Variants in HDGF observed in about 807,000 individuals in gnomAD.
HDGF encodes the protein hepatoma-derived growth factor.
HDGF carries 5 observed loss-of-function variants against 30.0 expected under a neutral mutation model. That is an observed-to-expected ratio of 0.17 (90% CI 0.09 to 0.35). The LOEUF is 0.35. Among genes scored for constraint, HDGF ranks in the 10% least tolerant of loss-of-function variants. HDGF has a pLI of 1.00. For synonymous variants in HDGF, 133 were observed against 112.7 expected, an observed-to-expected ratio of 1.18 and a Z score of -1.14; for missense variants, 214 against 302.8, an observed-to-expected ratio of 0.71 and a Z score of 2.18.
upstream of HDGF, chr1:156,752,394 C>T (rs562310759): frequency 5.4e-4 from 837 of 1,546,884 alleles, 2 homozygotes; most frequent in Non-Finnish European, 6.8e-4. Context: ...TACTGTCTTG[C>T]CAAGGAGACT....
chr1:156,766,001 A>G (rs1651365242), intron 1 of HDGF, among the ~76,000 whole-genome samples: 1 of 152,208 alleles, frequency 6.6e-6, no homozygotes, highest in African/African-American at 2.4e-5. Flanking sequence ...CCAGGCTTCC[A>G]GGCCCAACCC....
chr1:156,764,661 C>T lies in HDGF; in HGVS notation n.136+2129G>A, dbSNP rs183248717. Among the ~76,000 whole-genome samples, 10 of 152,134 alleles carry T rather than the reference C, an allele frequency of 6.6e-5. No homozygotes were observed. In the East Asian group the frequency reaches 1.5e-3, roughly 24 times the overall value. ...TCATTAATTTTCACAGTAAGGGGAT[C>T]CTCGCTTAGAAAACATTTGTTAAAC... On this transcript the variant is annotated intron_variant and non_coding_transcript_variant, in intron 1 of 7. Transcript: ENST00000465180.
Position 156,743,136 on chromosome 1 carries a change from G to A in HDGF, c.*313C>T. The A allele has an allele frequency of 3.2e-6, 1 of 317,280 alleles. No individual in the cohort carries two copies. Among genetic ancestry groups the A allele is most frequent in the Non-Finnish European group, 5.8e-6 (1 of 172,554 alleles). 19.7% of individuals were successfully genotyped at this position (317,280 alleles called of 1,614,324 possible). A position where few individuals can be genotyped will look rare whatever the true frequency, so the allele number is the denominator to read the frequency against. On this transcript the variant is annotated 3_prime_UTR_variant, in exon 6 of 6. Transcript: ENST00000357325. The stretch of plus-strand genomic sequence containing the variant: ...AGGGTGTCAGGAGGTGGGAGCAGTT[G>A]TCCCAGGCCCCAGCAGAAGCCTGGA...
At chr1:156,744,126 T>A (rs761520165) in intron 4 of HDGF, 37 bp downstream of exon 4, 2 of 1,602,636 alleles carry the variant, frequency 1.2e-6, no homozygotes, top group Non-Finnish European at 1.7e-6. Context: ...ATGGGGAATG[T>A]TGAGGGGGGC....
At chr1:156,747,236 CCCCCCTCCCCCCCG>C (rs1650624780) in intron 1 of HDGF, among the ~76,000 whole-genome samples, 2 of 28,144 alleles carry the variant, frequency 7.1e-5, no homozygotes, top group Admixed American at 1.7e-4. Context: ...GACCGCCCCT[CCCCCCTCCCCCCCG>C]CCCCCCCCCC....
upstream of HDGF, among the ~76,000 whole-genome samples, chr1:156,756,021 T>G (rs1651148863): frequency 6.6e-6 from 1 of 152,166 alleles, no homozygotes; most frequent in African/African-American, 2.4e-5. Context: ...GAGGCCAAGG[T>G]GGGCAGATCA....
intron 2 of HDGF, among the ~76,000 whole-genome samples, chr1:156,757,987 T>G (rs12037618): frequency 6.6e-6 from 1 of 151,978 alleles, no homozygotes; most frequent in African/African-American, 2.4e-5. Flanking sequence ...GAGCTGCACA[T>G]TGGAGTCACT....
intron 1 of HDGF, among the ~76,000 whole-genome samples, chr1:156,760,160 G>C (rs1377771261): frequency 6.6e-6 from 1 of 152,248 alleles, no homozygotes; most frequent in African/African-American, 2.4e-5. Context: ...CCCCAGGTGT[G>C]TCTGCATTCC....
At chr1:156,758,757 G>A (rs1353394766) in intron 2 of HDGF, among the ~76,000 whole-genome samples, 2 of 152,102 alleles carry the variant, frequency 1.3e-5, no homozygotes, top group South Asian at 2.1e-4. Context: ...CAGCCTGGGC[G>A]ACAGAGCAAG....
Position 156,743,729 on chromosome 1 carries a change from C to T in HDGF, c.639G>A (p.Glu213=). The T allele has an allele frequency of 6.2e-6, 10 of 1,602,918 alleles. No homozygotes were observed. Among genetic ancestry groups the T allele is most frequent in the Non-Finnish European group, 8.5e-6 (10 of 1,174,808 alleles). The part of the protein sequence containing the change: ...EPGSGRGPPQ[E]EEEEEDEEEE... ...CCTCTTCATCCTCCTCCTCTTCTTCCTCTTGGGGAGGCCCCCGGCCAGAGC... is the reference window on the plus strand; with the variant it reads ...CCTCTTCATCCTCCTCCTCTTCTTCTTCTTGGGGAGGCCCCCGGCCAGAGC... Residue 213 remains glutamate (E), a synonymous_variant, in exon 5 of 6, where the codon GAG becomes GAA. Coordinates refer to ENST00000357325, the MANE Select transcript of HDGF (RefSeq NM_004494.3).
chr1:156,754,844 A>G (rs1651129345), upstream of HDGF, among the ~76,000 whole-genome samples: 2 of 152,222 alleles, frequency 1.3e-5, no homozygotes, highest in South Asian at 4.1e-4. Flanking sequence ...GCTACTTGGG[A>G]GGCTGAGGCA....
intron 1 of HDGF, among the ~76,000 whole-genome samples, chr1:156,764,000 C>A (rs544618947): frequency 2.6e-5 from 4 of 151,894 alleles, no homozygotes; most frequent in Non-Finnish European, 5.9e-5. Context: ...CAGGCTCAAG[C>A]GATCCTCCTC....
intron 1 of HDGF, among the ~76,000 whole-genome samples, chr1:156,765,420 TCTTTCTCTTTCTTTCTTTC>T (rs1175111196): frequency 4.3e-5 from 6 of 140,794 alleles, no homozygotes; most frequent in Non-Finnish European, 9.4e-5. Flanking sequence ...TTTCTTTCTT[TCTTTCTCTTTCTTTCTTTC>T]CTTTCTTTCC....
At position 156,751,662 on chromosome 1, in the gene HDGF, G is replaced by A; in HGVS notation, c.-233C>T. ...GGCGCGGTGGGTGCGCGCTCGTGCA[G>A]TTGTTTGTGTTTGAAATTCAATTGC... On this transcript the variant is annotated 5_prime_UTR_variant, in exon 1 of 6. Coordinates refer to ENST00000357325, the MANE Select transcript of HDGF (RefSeq NM_004494.3). This position sits in a 1 kb window ranked among gnomAD's most constrained non-coding sequence, Gnocchi z 4.7. 18 of 1,054,624 alleles carry A rather than the reference G, an allele frequency of 1.7e-5. No homozygotes were observed. The highest frequency in any genetic ancestry group is 2.1e-5 in the Non-Finnish European group (18 of 875,978). 65.3% of individuals were successfully genotyped at this position (1,054,624 alleles called of 1,614,324 possible). A position where few individuals can be genotyped will look rare whatever the true frequency, so the allele number is the denominator to read the frequency against.
rs181833727 is a variant in HDGF, at chr1:156,764,066, C to T, written n.136+2724G>A. 1.3e-3 allele frequency among the ~76,000 whole-genome samples: 166 copies of T among 127,048 alleles called. 1 individual carries two copies. The highest frequency in any genetic ancestry group is 4.8e-3 in the African/African-American group (158 of 33,164). The allele number at this position is 127,048 out of a possible 152,430, so 83.3% of individuals were successfully genotyped here. On this transcript the variant is annotated intron_variant and non_coding_transcript_variant, in intron 1 of 7. Coordinates refer to the HDGF transcript ENST00000465180. ...AGGTGTGTGCCACCATGCCCATGCC[C>T]GGCTTTTTTTCTGTTTTTGTTTGTT...
upstream of HDGF, among the ~76,000 whole-genome samples, chr1:156,752,634 C>A (rs556366168): frequency 6.6e-6 from 1 of 152,104 alleles, no homozygotes; most frequent in Non-Finnish European, 1.5e-5. Flanking sequence ...TACATTTTGG[C>A]CTAGGTTATA....
Position 156,742,705 on chromosome 1 carries a change from AT to A in HDGF, c.*743del. ...GCTTCAGAGATCTAAAGGGGGACAG[AT>A]GCTCAACACTCCCACCCAAATGGGT... On this transcript the variant is annotated 3_prime_UTR_variant, in exon 6 of 6. Transcript: ENST00000357325. The A allele has an allele frequency of 6.5e-6, 1 of 154,694 alleles. No individual in the cohort carries two copies. Among genetic ancestry groups the A allele is most frequent in the East Asian group, 1.9e-4 (1 of 5,194 alleles). The allele number at this position is 154,694 out of a possible 1,614,324, so 9.6% of individuals were successfully genotyped here. A position where few individuals can be genotyped will look rare whatever the true frequency, so the allele number is the denominator to read the frequency against.
chr1:156,743,736 G>A lies in HDGF; in HGVS notation c.632C>T (p.Pro211Leu), dbSNP rs1446940657. The change falls in exon 5 of 6, where the codon CCC becomes CTC. Residue 211 changes from proline to leucine, a missense_variant. Physicochemically the swap from Pro to Leu is moderately conservative, Grantham distance 98 (BLOSUM62 -3). Transcript: ENST00000357325. ...PSEPGSGRGP[P>L]QEEEEEEDEE... Reference sequence around the variant, plus strand: ...ATCCTCCTCCTCTTCTTCCTCTTGGGGAGGCCCCCGGCCAGAGCCGGGCTC... The same window carrying A: ...ATCCTCCTCCTCTTCTTCCTCTTGGAGAGGCCCCCGGCCAGAGCCGGGCTC... 1.9e-6 allele frequency: 3 copies of A among 1,601,588 alleles called. No homozygotes were observed. The highest frequency in any genetic ancestry group is 2.6e-6 in the Non-Finnish European group (3 of 1,174,212).
At chr1:156,751,902 T>G, upstream of HDGF, 2 of 999,476 alleles carry the variant, frequency 2.0e-6, no homozygotes, top group Non-Finnish European at 2.8e-6. The surrounding 1 kb of genome is among the most constrained non-coding windows in gnomAD (Gnocchi z 4.7). Context: ...GGCACAGGCA[T>G]AAGGAGCCGA....
Sources: gnomAD v4.1 joint callset for allele counts (sites outside exome capture counted in the v4.1 genomes callset) on GRCh38, gnomAD v4.1.1 for gene constraint, Gnocchi (gnomAD v3.1) non-coding constraint, MANE v1.5 for transcripts, NCBI Gene and HGNC (gene_info 2026-07-23, HGNC 2026-07-21) for gene names.